Variants in PAK5 observed in about 807,000 individuals in gnomAD.
The protein encoded by PAK5 is serine/threonine-protein kinase PAK 5.
Under a neutral mutation model 65.9 loss-of-function variants are expected in PAK5, and 16 were observed. The ratio of observed to expected loss-of-function variants is 0.24; its 90% CI spans 0.16 to 0.37. The LOEUF (loss-of-function observed/expected upper bound fraction) is 0.37, where lower values mean the gene tolerates loss of function less well. Among genes scored for constraint, PAK5 ranks in the 10% least tolerant of loss-of-function variants. The probability of loss-of-function intolerance (pLI) is 1.00; values close to 1 mark genes in which losing one functional copy is unlikely to be tolerated. For missense variants in PAK5, 785 were observed against 903.9 expected (o/e 0.87, Z 1.69); for synonymous variants, 371 against 354.9 (o/e 1.05, Z -0.51).
intron 1 of PAK5, among the ~76,000 whole-genome samples, chr20:9,762,606 GACA>G (rs1005604943): frequency 1.3e-5 from 2 of 152,050 alleles, no homozygotes; most frequent in African/African-American, 4.8e-5. Flanking sequence ...TTATCAAAAA[GACA>G]ACAAATAATA....
chr20:9,558,829 T>C (rs2045551032), intron 6 of PAK5, among the ~76,000 whole-genome samples: 1 of 152,208 alleles, frequency 6.6e-6, no homozygotes, highest in Admixed American at 6.5e-5. Flanking sequence ...GCATTGGTTA[T>C]GGCCTCCCAT....
chr20:9,603,608 T>C (rs1435325662), intron 3 of PAK5, among the ~76,000 whole-genome samples: 2 of 152,216 alleles, frequency 1.3e-5, no homozygotes, highest in Non-Finnish European at 2.9e-5. Context: ...TAAGCAAAAC[T>C]GTGTACATCC....
chr20:9,684,802 G>A (rs920026215), intron 2 of PAK5, among the ~76,000 whole-genome samples: 6 of 152,300 alleles, frequency 3.9e-5, no homozygotes, highest in South Asian at 2.1e-4. Flanking sequence ...ATAGGTAGAA[G>A]GTTTTCTTAA....
chr20:9,782,783 T>C (rs374121574), intron 1 of PAK5, among the ~76,000 whole-genome samples: 9 of 152,224 alleles, frequency 5.9e-5, no homozygotes, highest in African/African-American at 2.2e-4. Flanking sequence ...GAATCAGAAA[T>C]TGAATTATAA....
At chr20:9,769,941 G>C (rs1469333137) in intron 1 of PAK5, among the ~76,000 whole-genome samples, 1 of 152,218 alleles carries the variant, frequency 6.6e-6, no homozygotes, top group Non-Finnish European at 1.5e-5. Flanking sequence ...GAGAATGTGT[G>C]ATGTTATCCT....
chr20:9,740,313 C>T (rs934667169), intron 1 of PAK5, among the ~76,000 whole-genome samples: 37 of 152,068 alleles, frequency 2.4e-4, no homozygotes, highest in African/African-American at 8.9e-4. Context: ...ATGTCTAAGA[C>T]AAATTGGTAT....
At chr20:9,595,918 A>G (rs753003879) in intron 3 of PAK5, among the ~76,000 whole-genome samples, 12 of 152,158 alleles carry the variant, frequency 7.9e-5, no homozygotes, top group Non-Finnish European at 1.6e-4. Context: ...AATCAAATTT[A>G]TAGCTTAACT....
intron 3 of PAK5, among the ~76,000 whole-genome samples, chr20:9,617,480 T>A (rs937991604): frequency 1.3e-5 from 2 of 151,854 alleles, no homozygotes; most frequent in African/African-American, 4.8e-5. Flanking sequence ...ATTGCTTAAT[T>A]GTAATATGAT....
intron 2 of PAK5, among the ~76,000 whole-genome samples, chr20:9,657,375 A>T (rs1249063333): frequency 6.6e-6 from 1 of 152,070 alleles, no homozygotes; most frequent in African/African-American, 2.4e-5. Flanking sequence ...CATGTACCAT[A>T]CTTTGTTTAA....
At chr20:9,792,886 C>T (rs867315318) in intron 1 of PAK5, among the ~76,000 whole-genome samples, 7 of 152,242 alleles carry the variant, frequency 4.6e-5, no homozygotes, top group Middle Eastern at 6.8e-3. Flanking sequence ...ATCAATCAAA[C>T]GTTCTGGCAG....
At chr20:9,543,277 A>G (rs1443252261) in intron 8 of PAK5, among the ~76,000 whole-genome samples, 1 of 152,134 alleles carries the variant, frequency 6.6e-6, no homozygotes, top group African/African-American at 2.4e-5. Context: ...TTACAAAAGC[A>G]TTTTCAGGGA....
At chr20:9,614,611 C>CA (rs1358481311) in intron 3 of PAK5, among the ~76,000 whole-genome samples, 2 of 152,100 alleles carry the variant, frequency 1.3e-5, no homozygotes, top group East Asian at 3.9e-4. Flanking sequence ...CTTAGAGGAA[C>CA]AAAGGTAAGA....
chr20:9,542,628 C>T lies in PAK5; in HGVS notation c.1962G>A (p.Arg654=), dbSNP rs1004349087. The T allele has an allele frequency of 6.2e-7, 1 of 1,614,122 alleles. No individual in the cohort carries two copies. The highest frequency in any genetic ancestry group is 8.5e-7 in the Non-Finnish European group (1 of 1,179,992). Reference sequence around the variant, plus strand: ...CTCTTGGAGGTAAACTGTCCCGGATCCTCCGCATCGCCTGGAGGGGAGGCT... The same window carrying T: ...CTCTTGGAGGTAAACTGTCCCGGATTCTCCGCATCGCCTGGAGGGGAGGCT... The part of the protein sequence containing the change: ...FNEPPLQAMR[R]IRDSLPPRVK... The change falls in exon 9 of 10, where the codon AGG becomes AGA. Residue 654 remains arginine, a synonymous_variant. Coordinates refer to ENST00000353224, the MANE Select transcript of PAK5 (RefSeq NM_177990.4).
chr20:9,783,635 C>G (rs1949098841), intron 1 of PAK5, among the ~76,000 whole-genome samples: 1 of 152,176 alleles, frequency 6.6e-6, no homozygotes, highest in Admixed American at 6.5e-5. Context: ...TGTTACGGAA[C>G]ATTGTGTTCA....
chr20:9,700,468 T>A (rs765756645), intron 2 of PAK5, among the ~76,000 whole-genome samples: 5 of 152,140 alleles, frequency 3.3e-5, no homozygotes, highest in Non-Finnish European at 7.4e-5. Context: ...TAAACCAAGA[T>A]TTCTCATTCT....
intron 3 of PAK5, among the ~76,000 whole-genome samples, chr20:9,642,960 C>G (rs1156599577): frequency 2.0e-5 from 3 of 152,146 alleles, no homozygotes; most frequent in Admixed American, 6.5e-5. Flanking sequence ...ATAGAATGAC[C>G]AGCACTGTGC....
At chr20:9,678,765 T>C (rs1206105583) in intron 2 of PAK5, among the ~76,000 whole-genome samples, 3 of 152,058 alleles carry the variant, frequency 2.0e-5, no homozygotes, top group Non-Finnish European at 4.4e-5. Context: ...ATAAAACCAT[T>C]AAATCTCATG....
intron 4 of PAK5, among the ~76,000 whole-genome samples, chr20:9,572,393 T>G (rs562924762): frequency 6.6e-6 from 1 of 152,304 alleles, no homozygotes; most frequent in South Asian, 2.1e-4. Flanking sequence ...AAAACATAAA[T>G]GATGAATTTG....
chr20:9,812,801 T>C (rs986870178), intron 1 of PAK5, among the ~76,000 whole-genome samples: 1 of 152,106 alleles, frequency 6.6e-6, no homozygotes, highest in Non-Finnish European at 1.5e-5. Context: ...TTCAAATTAC[T>C]AGAAGAGTGA....
Sources: gnomAD v4.1 joint callset for allele counts (sites outside exome capture counted in the v4.1 genomes callset) on GRCh38, gnomAD v4.1.1 for gene constraint, MANE v1.5 for transcripts, NCBI Gene and HGNC (gene_info 2026-07-23, HGNC 2026-07-21) for gene names.